The following ANXA13 variants were observed in gnomAD, a reference collection of about 807,000 sequenced individuals.
ANXA13 encodes the protein annexin A13, also known as annexin XIII.
In ANXA13, 36 loss-of-function variants were observed where a neutral mutation model predicts 46.6. The ratio of observed to expected loss-of-function variants is 0.77; its 90% confidence interval spans 0.59 to 1.02. The LOEUF (loss-of-function observed/expected upper bound fraction) is 1.02, where lower values mean the gene tolerates loss of function less well. Ranked by LOEUF, ANXA13 falls within the 50% of genes least tolerant of loss-of-function variation. The probability of loss-of-function intolerance (pLI) is 0.00; values close to 1 mark genes in which losing one functional copy is unlikely to be tolerated. For missense variants in ANXA13, 417 were observed against 396.5 expected (o/e 1.05, Z -0.44); for synonymous variants, 163 against 152.9 (o/e 1.07, Z -0.49).
chr8:123,727,392 T>C (rs1033290834), intron 1 of ANXA13, among the ~76,000 whole-genome samples: 2 of 151,776 alleles, frequency 1.3e-5, no homozygotes, highest in Admixed American at 6.6e-5. Flanking sequence ...GCAGGAATGG[T>C]GATTTCTGGT....
chr8:123,722,541 A>G (rs558440441), intron 1 of ANXA13, among the ~76,000 whole-genome samples: 1 of 152,312 alleles, frequency 6.6e-6, no homozygotes, highest in African/African-American at 2.4e-5. Flanking sequence ...AATAGAAAGT[A>G]AAATGAAAAA....
At chr8:123,697,731 C>T (rs1004786925) in intron 4 of ANXA13, among the ~76,000 whole-genome samples, 6 of 152,218 alleles carry the variant, frequency 3.9e-5, no homozygotes, top group African/African-American at 1.4e-4. Context: ...GGAGGGGTCT[C>T]TCCTGTGAAT....
chr8:123,712,533 G>A (rs1451518890), intron 2 of ANXA13, 145 bp downstream of exon 2: 1 of 709,552 alleles, frequency 1.4e-6, no homozygotes, highest in African/African-American at 1.8e-5. Context: ...CTTTAATAAA[G>A]AGGTTAGTGG....
intron 1 of ANXA13, among the ~76,000 whole-genome samples, chr8:123,721,831 C>CCCTATGGGGTTGTATTA (rs1354930908): frequency 6.6e-6 from 1 of 152,108 alleles, no homozygotes; most frequent in African/African-American, 2.4e-5. Flanking sequence ...CTCCCAACAA[C>CCCTATGGGGTTGTATTA]CCTATGGGGT....
At chr8:123,681,972 T>C (rs1264383611) in intron 10 of ANXA13, among the ~76,000 whole-genome samples, 1 of 152,190 alleles carries the variant, frequency 6.6e-6, no homozygotes, top group East Asian at 1.9e-4. Flanking sequence ...CAAAGTATTA[T>C]CTTTCTTTTG....
At chr8:123,717,133 C>G (rs1018504808) in intron 1 of ANXA13, among the ~76,000 whole-genome samples, 1 of 152,146 alleles carries the variant, frequency 6.6e-6, no homozygotes, top group Non-Finnish European at 1.5e-5. Flanking sequence ...TGGAGGTCTG[C>G]GCTTTGAGCC....
At chr8:123,689,582 T>A (rs1813197304) in intron 8 of ANXA13, among the ~76,000 whole-genome samples, 1 of 152,146 alleles carries the variant, frequency 6.6e-6, no homozygotes, top group South Asian at 2.1e-4. Flanking sequence ...CTGGGGTGAT[T>A]CCAAATAATC....
At chr8:123,723,113 C>T (rs895326460) in intron 1 of ANXA13, among the ~76,000 whole-genome samples, 1 of 152,168 alleles carries the variant, frequency 6.6e-6, no homozygotes, top group African/African-American at 2.4e-5. Context: ...TATCACTTCT[C>T]CCTGCTTGAC....
At chr8:123,735,787 A>C in intron 1 of ANXA13, 1 of 1,612,520 alleles carries the variant, frequency 6.2e-7, no homozygotes, top group Non-Finnish European at 8.5e-7. Flanking sequence ...CCATTCCGTG[A>C]TGGGTGGCTG....
At position 123,732,790 on chromosome 8, in the gene ANXA13, G is replaced by A. The variant is rs562480237; in HGVS notation, c.15+4530C>T. Among the ~76,000 whole-genome samples, 4 of 152,216 alleles carry A rather than the reference G, an allele frequency of 2.6e-5. No homozygotes were observed. In the East Asian group the frequency reaches 7.7e-4, roughly 29 times the overall value. On this transcript the variant is annotated intron_variant, in intron 1 of 10. Transcript: ENST00000419625. The stretch of plus-strand genomic sequence containing the variant: ...CTTTAAATGAAGAAGGTATGCATTG[G>A]TGCATGTCATGCTTTGACATCAAAG...
rs1586309989 is a variant in ANXA13 at position 123,684,599 on chromosome 8, G to A, written c.831+11C>T. The A allele has an allele frequency of 6.3e-7, 1 of 1,586,682 alleles. No homozygotes were observed. The highest frequency in any genetic ancestry group is 1.3e-5 in the African/African-American group (1 of 74,212). On this transcript the variant is annotated intron_variant, in intron 10 of 10. Transcript: ENST00000419625. ...TTGCAGCCGCCTCTTTGGAGTCGGA[G>A]TGTGTCTTACCTCGGCCCTGGTCAC...
intron 4 of ANXA13, among the ~76,000 whole-genome samples, chr8:123,696,641 G>A (rs372786921): frequency 1.3e-5 from 2 of 152,082 alleles, no homozygotes; most frequent in Admixed American, 6.5e-5. Context: ...AAGCGGTGGG[G>A]AGCCTCACTG....
At position 123,698,495 on chromosome 8, in the gene ANXA13, A is replaced by G. The variant is rs1813386693; in HGVS notation, c.251T>C (p.Leu84Pro). 6.2e-7 allele frequency: 1 copy of G among 1,614,238 alleles called. No homozygotes were observed. Among genetic ancestry groups the G allele is most frequent in the South Asian group, 1.1e-5 (1 of 91,086 alleles). The change falls in exon 4 of 11, where the codon CTG becomes CCG. Residue 84 changes from leucine to proline, a missense_variant. Transcript: ENST00000419625. Reference sequence around the variant, plus strand: ...GGCGGCGTACTCGCTGGGACGGTCCAGAAGGGCCAACGCTGTCTTCTCGAA... The same window carrying G: ...GGCGGCGTACTCGCTGGGACGGTCCGGAAGGGCCAACGCTGTCTTCTCGAA... ...GNFEKTALALLDRPSEYAARQ... is the reference protein window; with the variant it reads ...GNFEKTALALPDRPSEYAARQ...
chr8:123,719,887 T>C (rs1052806365), intron 1 of ANXA13, among the ~76,000 whole-genome samples: 6 of 152,206 alleles, frequency 3.9e-5, no homozygotes, highest in African/African-American at 1.4e-4. Flanking sequence ...AAAGTGGAGA[T>C]GCACCTGTGC....
intron 2 of ANXA13, chr8:123,712,437 A>C: frequency 1.8e-6 from 1 of 547,588 alleles, no homozygotes. Context: ...TCTCACCTCA[A>C]GTTCAAATTA....
At chr8:123,717,974 G>A (rs1381952732) in intron 1 of ANXA13, among the ~76,000 whole-genome samples, 1 of 152,236 alleles carries the variant, frequency 6.6e-6, no homozygotes, top group Non-Finnish European at 1.5e-5. Context: ...GCCCAGACTC[G>A]CACCCAGGCT....
At chr8:123,702,846 G>A in intron 2 of ANXA13, 110 bp from the exon 3 acceptor site, 1 of 963,168 alleles carries the variant, frequency 1.0e-6, no homozygotes, top group Non-Finnish European at 1.7e-6. Context: ...GTGGTTGGAG[G>A]TGTCTATGGA....
chr8:123,695,456 A>T lies in ANXA13; in HGVS notation c.471+46T>A, dbSNP rs571826682. The T allele has an allele frequency of 6.4e-5, 93 of 1,441,860 alleles. No individual in the cohort carries two copies. In the South Asian group the frequency reaches 1.0e-3, roughly 16 times the overall value. The allele number at this position is 1,441,860 out of a possible 1,614,324, so 89.3% of individuals were successfully genotyped here. On this transcript the variant is annotated intron_variant, in intron 6 of 10. Transcript: ENST00000419625. ...TCATCATGGTGCCATGTTGCCAAGG[A>T]TTCTTTCCTAAGATGATAAAACAGG...
intron 10 of ANXA13, among the ~76,000 whole-genome samples, chr8:123,682,503 G>T (rs1813057840): frequency 6.6e-6 from 1 of 152,210 alleles, no homozygotes; most frequent in Admixed American, 6.5e-5. Flanking sequence ...TCAGGGATCT[G>T]ATTCTTTCTT....
Sources: allele counts gnomAD v4.1 joint callset (sites outside exome capture counted in the v4.1 genomes callset), GRCh38; gene constraint gnomAD v4.1.1; transcripts MANE v1.5; gene names NCBI Gene and HGNC (gene_info 2026-07-23, HGNC 2026-07-21).